FMN2: variants seen among roughly 807,000 people sequenced by gnomAD.
FMN2 encodes formin 2.
A neutral mutation model predicts 142.3 loss-of-function variants in FMN2; 51 were observed. That is an observed-to-expected ratio of 0.36 (90% CI 0.29 to 0.45). FMN2 has a LOEUF of 0.45. FMN2 is among the 20% of genes least tolerant of loss of function. The pLI is 1.00. For missense variants in FMN2, 1,936 were observed against 2,122.8 expected, an observed-to-expected ratio of 0.91 and a Z score of 1.73; for synonymous variants, 882 against 869.8, an observed-to-expected ratio of 1.01 and a Z score of -0.25.
At chr1:240,148,831 G>C (rs1212470693) in intron 2 of FMN2, among the ~76,000 whole-genome samples, 1 of 152,040 alleles carries the variant, frequency 6.6e-6, no homozygotes, top group African/African-American at 2.4e-5. Flanking sequence ...AATTAGCCGG[G>C]CATGGTGACG....
At chr1:240,237,185 G>T (rs572900453) in intron 6 of FMN2, among the ~76,000 whole-genome samples, 1 of 152,302 alleles carries the variant, frequency 6.6e-6, no homozygotes, top group Non-Finnish European at 1.5e-5. Context: ...TGGGCTAACA[G>T]TTCTGTCTTT....
intron 1 of FMN2, among the ~76,000 whole-genome samples, chr1:240,121,386 T>TA (rs112048771): frequency 0.026 from 3,924 of 150,818 alleles, 81 homozygotes; most frequent in Admixed American, 0.049. Flanking sequence ...TTTTTATTTT[T>TA]TTTTTTTTGA....
At chr1:240,399,893 C>T (rs1374036717) in intron 15 of FMN2, among the ~76,000 whole-genome samples, 1 of 152,204 alleles carries the variant, frequency 6.6e-6, no homozygotes, top group Non-Finnish European at 1.5e-5. Flanking sequence ...AAGTGGACCA[C>T]TGTCCTAATC....
At chr1:240,329,761 C>T (rs1671318158) in intron 10 of FMN2, among the ~76,000 whole-genome samples, 1 of 151,912 alleles carries the variant, frequency 6.6e-6, no homozygotes. Context: ...TTTCACGGTC[C>T]TCTCAGACAT....
chr1:240,198,032 A>G (rs572892198), intron 4 of FMN2, among the ~76,000 whole-genome samples: 1 of 152,330 alleles, frequency 6.6e-6, no homozygotes, highest in South Asian at 2.1e-4. Flanking sequence ...TTGGGTGTTA[A>G]TGCAAGGGAG....
At chr1:240,099,455 G>C (rs1230954231) in intron 1 of FMN2, among the ~76,000 whole-genome samples, 1 of 152,026 alleles carries the variant, frequency 6.6e-6, no homozygotes, top group Non-Finnish European at 1.5e-5. Flanking sequence ...AAGATTTGGG[G>C]GAGGGTGCTG....
intron 16 of FMN2, among the ~76,000 whole-genome samples, chr1:240,450,455 T>TG (rs2103207187): frequency 6.6e-6 from 1 of 152,358 alleles, no homozygotes; most frequent in African/African-American, 2.4e-5. Context: ...TTTCTAAGTC[T>TG]GAACACTTTA....
intron 6 of FMN2, among the ~76,000 whole-genome samples, chr1:240,212,733 G>T (rs956822046): frequency 6.6e-6 from 1 of 152,156 alleles, no homozygotes; most frequent in African/African-American, 2.4e-5. Context: ...CTGAATCATC[G>T]TATCTCCTCT....
chr1:240,266,273 GA>G (rs1201568638), intron 7 of FMN2, among the ~76,000 whole-genome samples: 1 of 151,900 alleles, frequency 6.6e-6, no homozygotes, highest in Non-Finnish European at 1.5e-5. Flanking sequence ...TTATAAGTTA[GA>G]GCTAGTGGTG....
At chr1:240,211,729 A>T (rs555173749) in intron 6 of FMN2, among the ~76,000 whole-genome samples, 1 of 152,360 alleles carries the variant, frequency 6.6e-6, no homozygotes, top group East Asian at 1.9e-4. Flanking sequence ...GAAATCTTGT[A>T]TCCATTTCTA....
Position 240,273,394 on chromosome 1 carries a change from A to G in FMN2, c.4153+15362A>G, listed in dbSNP as rs180963660. ...AACTTAATTAGCAGGTGGTGGGGCTATGATCTAAACACAGGCATTCTGGGT... is the reference window on the plus strand; with the variant it reads ...AACTTAATTAGCAGGTGGTGGGGCTGTGATCTAAACACAGGCATTCTGGGT... On this transcript the variant is annotated intron_variant, in intron 7 of 17. Coordinates refer to ENST00000319653, the MANE Select transcript of FMN2 (RefSeq NM_020066.5). Among the ~76,000 whole-genome samples, 9 of 152,318 alleles carry G rather than the reference A, an allele frequency of 5.9e-5. No individual in the cohort carries two copies. The South Asian group carries it at 6.2e-4, about 11-fold the overall frequency.
intron 6 of FMN2, among the ~76,000 whole-genome samples, chr1:240,214,117 A>G (rs1666795280): frequency 6.6e-6 from 1 of 152,222 alleles, no homozygotes; most frequent in African/African-American, 2.4e-5. Context: ...GCATTACACA[A>G]AAGATTAGCT....
At chr1:240,318,684 T>C (rs1180813687) in intron 8 of FMN2, among the ~76,000 whole-genome samples, 4 of 152,192 alleles carry the variant, frequency 2.6e-5, no homozygotes, top group African/African-American at 9.6e-5. Context: ...TTTGCACCTT[T>C]TAAAAACAAT....
At chr1:240,342,010 C>G (rs1019892520) in intron 13 of FMN2, among the ~76,000 whole-genome samples, 5 of 152,136 alleles carry the variant, frequency 3.3e-5, no homozygotes, top group Non-Finnish European at 7.4e-5. Flanking sequence ...GAGACTGGTT[C>G]CTTTCCCTCC....
At chr1:240,156,140 A>G (rs1171841587) in intron 2 of FMN2, among the ~76,000 whole-genome samples, 1 of 152,110 alleles carries the variant, frequency 6.6e-6, no homozygotes, top group Non-Finnish European at 1.5e-5. Flanking sequence ...AGTCCCAGCT[A>G]CTAGGAAGGC....
intron 2 of FMN2, among the ~76,000 whole-genome samples, chr1:240,167,382 A>G (rs568440548): frequency 6.6e-6 from 1 of 152,246 alleles, no homozygotes; most frequent in Non-Finnish European, 1.5e-5. Context: ...TCCTGGGCTC[A>G]AGTGAATTTC....
chr1:240,185,667 A>G (rs983027268), intron 3 of FMN2, among the ~76,000 whole-genome samples: 2 of 152,250 alleles, frequency 1.3e-5, no homozygotes, highest in African/African-American at 4.8e-5. Context: ...CGGGTCAAGG[A>G]CTATAGAACA....
At chr1:240,273,033 C>G (rs1055377169) in intron 7 of FMN2, among the ~76,000 whole-genome samples, 1 of 138,762 alleles carries the variant, frequency 7.2e-6, no homozygotes, top group African/African-American at 2.8e-5. Flanking sequence ...AAGAATTGTT[C>G]CCTTGCTTTA....
chr1:240,123,376 G>A lies in FMN2; in HGVS notation c.1782+31G>A, dbSNP rs538399654. On this transcript the variant is annotated intron_variant, in intron 2 of 17. Transcript: ENST00000319653. ...TAGGAGAATTCACTTCTGTCCGTGA[G>A]GCAGATTTGCTGTGGAAATAGCAGC... 63 of 1,597,962 alleles carry A rather than the reference G, an allele frequency of 3.9e-5. No individual in the cohort carries two copies. The African/African-American group carries it at 7.8e-4, about 20-fold the overall frequency.
Sources: allele counts gnomAD v4.1 joint callset (sites outside exome capture counted in the v4.1 genomes callset), GRCh38; gene constraint gnomAD v4.1.1; transcripts MANE v1.5; gene names NCBI Gene and HGNC (gene_info 2026-07-23, HGNC 2026-07-21).